AAMDC: variants seen among roughly 807,000 people sequenced by gnomAD.
AAMDC encodes adipogenesis associated Mth938 domain containing.
AAMDC carries 16 observed loss-of-function variants against 15.5 expected under a neutral mutation model. The ratio of observed to expected loss-of-function variants is 1.03; its 90% CI spans 0.70 to 1.57. The LOEUF is 1.57. AAMDC is among the 40% of genes most tolerant of loss of function. The pLI is 0.00. For synonymous variants in AAMDC, 51 were observed against 51.6 expected (o/e 0.99, Z 0.05); for missense variants, 141 against 144.9 (o/e 0.97, Z 0.14).
intron 1 of AAMDC, among the ~76,000 whole-genome samples, chr11:77,827,709 C>G (rs1388282818): frequency 6.6e-6 from 1 of 152,130 alleles, no homozygotes; most frequent in Non-Finnish European, 1.5e-5. Flanking sequence ...AGGTCAGGAA[C>G]AAGACAAGGA....
chr11:77,896,387 C>T (rs1029172780), intron 5 of AAMDC, among the ~76,000 whole-genome samples: 1 of 152,168 alleles, frequency 6.6e-6, no homozygotes, highest in African/African-American at 2.4e-5. Context: ...CACAGTGGCT[C>T]ACGCCTGTAA....
chr11:77,825,916 T>C (rs1017344948), intron 1 of AAMDC, among the ~76,000 whole-genome samples: 11 of 152,208 alleles, frequency 7.2e-5, no homozygotes, highest in African/African-American at 2.6e-4. Context: ...GGTCTCAAAC[T>C]CCTGACCTCA....
downstream of AAMDC, chr11:77,900,826 A>G: frequency 1.7e-6 from 1 of 575,734 alleles, no homozygotes; most frequent in Non-Finnish European, 3.1e-6. Flanking sequence ...AATTACACTG[A>G]GCTCTTATTA....
chr11:77,893,620 C>T (rs1381142413), intron 5 of AAMDC, among the ~76,000 whole-genome samples: 18 of 151,954 alleles, frequency 1.2e-4, no homozygotes, highest in Middle Eastern at 3.2e-3. Context: ...TCAGACACGG[C>T]GGTGGCTCAC....
At chr11:77,868,164 T>C (rs1951209065) in intron 2 of AAMDC, among the ~76,000 whole-genome samples, 1 of 150,730 alleles carries the variant, frequency 6.6e-6, no homozygotes, top group Non-Finnish European at 1.5e-5. Flanking sequence ...CACGCCATTC[T>C]CCTGCCTCAG....
chr11:77,853,993 CTTT>C (rs571437470), intron 2 of AAMDC, among the ~76,000 whole-genome samples: 4 of 138,360 alleles, frequency 2.9e-5, no homozygotes, highest in Non-Finnish European at 1.5e-5. Context: ...CCTCCAAATT[CTTT>C]TTTTTTTTTT....
chr11:77,852,940 T>A (rs1950460375), intron 2 of AAMDC, among the ~76,000 whole-genome samples: 1 of 152,168 alleles, frequency 6.6e-6, no homozygotes, highest in Non-Finnish European at 1.5e-5. Context: ...ACTTTAGTCC[T>A]AAGGGATGGG....
intron 5 of AAMDC, among the ~76,000 whole-genome samples, chr11:77,879,492 G>C (rs1311685425): frequency 6.6e-6 from 1 of 152,216 alleles, no homozygotes; most frequent in Non-Finnish European, 1.5e-5. Flanking sequence ...CTGATACCCA[G>C]TTGGGCTCTT....
At chr11:77,890,884 A>G (rs1481885704) in intron 5 of AAMDC, among the ~76,000 whole-genome samples, 1 of 152,200 alleles carries the variant, frequency 6.6e-6, no homozygotes, top group African/African-American at 2.4e-5. Flanking sequence ...TTGGGAAAGA[A>G]TATTTCCTAG....
At chr11:77,885,142 A>C (rs1405002254) in intron 5 of AAMDC, among the ~76,000 whole-genome samples, 1 of 151,708 alleles carries the variant, frequency 6.6e-6, no homozygotes, top group African/African-American at 2.4e-5. Flanking sequence ...CAGTGGCATG[A>C]TCTCGGCTCA....
chr11:77,883,355 C>T (rs1255836012), intron 5 of AAMDC, among the ~76,000 whole-genome samples: 2 of 152,086 alleles, frequency 1.3e-5, no homozygotes, highest in Non-Finnish European at 2.9e-5. Flanking sequence ...CTTGTATTCT[C>T]CCATTTTATC....
At chr11:77,879,248 A>G (rs1252531963) in intron 5 of AAMDC, 6 of 1,032,284 alleles carry the variant, frequency 5.8e-6, no homozygotes, top group East Asian at 2.6e-5. Flanking sequence ...ATCCGTCTAC[A>G]TTCCCTCCCC....
intron 5 of AAMDC, chr11:77,878,633 C>T: frequency 1.6e-6 from 1 of 608,340 alleles, no homozygotes; most frequent in Non-Finnish European, 2.9e-6. Flanking sequence ...TTGTGTTTCA[C>T]ACCTGAGGAA....
At chr11:77,864,336 G>A (rs1951015105) in intron 2 of AAMDC, among the ~76,000 whole-genome samples, 2 of 151,480 alleles carry the variant, frequency 1.3e-5, no homozygotes, top group South Asian at 4.2e-4. Context: ...CCCAGCTATA[G>A]GCTGAGGCAG....
intron 5 of AAMDC, among the ~76,000 whole-genome samples, chr11:77,885,774 G>A (rs1429927641): frequency 3.9e-5 from 6 of 151,910 alleles, no homozygotes; most frequent in South Asian, 2.1e-4. Context: ...AGCTGAGATC[G>A]CTGCCACTGC....
At chr11:77,879,526 T>C (rs1381976345) in intron 5 of AAMDC, among the ~76,000 whole-genome samples, 1 of 152,188 alleles carries the variant, frequency 6.6e-6, no homozygotes, top group Non-Finnish European at 1.5e-5. Flanking sequence ...ATCTCAAGCC[T>C]CAGGGCTGCA....
At chr11:77,871,855 C>CA (rs1951445828) in intron 3 of AAMDC, among the ~76,000 whole-genome samples, 1 of 152,168 alleles carries the variant, frequency 6.6e-6, no homozygotes, top group African/African-American at 2.4e-5. Flanking sequence ...GACATGAAAA[C>CA]AAAGACTCAG....
At position 77,879,062 on chromosome 11, in the gene AAMDC, G is replaced by C. The variant is rs770220271; in HGVS notation, c.328+2013G>C. 8 of 1,613,992 alleles carry C rather than the reference G, an allele frequency of 5.0e-6. No homozygotes were observed. The Admixed American group carries it at 1.3e-4, about 27-fold the overall frequency. The stretch of plus-strand genomic sequence containing the variant: ...GACATCTCACCACCCTCCATCCAGG[G>C]GCATTTTGGAATGCGAGCACTGGAG... On this transcript the variant is annotated intron_variant, in intron 5 of 5. Transcript: ENST00000304716.
intron 2 of AAMDC, among the ~76,000 whole-genome samples, chr11:77,863,362 C>T (rs894706162): frequency 3.9e-5 from 6 of 152,114 alleles, no homozygotes; most frequent in African/African-American, 7.2e-5. Context: ...CAGTGGTGGA[C>T]GGTGAGCGAA....
Sources: gnomAD v4.1 joint callset for allele counts (sites outside exome capture counted in the v4.1 genomes callset) on GRCh38, gnomAD v4.1.1 for gene constraint, MANE v1.5 for transcripts, NCBI Gene and HGNC (gene_info 2026-07-23, HGNC 2026-07-21) for gene names.